The following RPS6KA5 variants were observed in gnomAD, a reference collection of about 807,000 sequenced individuals.
RPS6KA5 encodes ribosomal protein S6 kinase A5, also known as ribosomal protein S6 kinase alpha-5.
RPS6KA5 carries 27 observed loss-of-function variants against 85.5 expected under a neutral mutation model. The ratio of observed to expected loss-of-function variants is 0.32; its 90% CI spans 0.23 to 0.44. RPS6KA5 has a LOEUF of 0.44. RPS6KA5 is among the 20% of genes least tolerant of loss of function. The probability of loss-of-function intolerance (pLI) is 1.00; values close to 1 mark genes in which losing one functional copy is unlikely to be tolerated. For synonymous variants in RPS6KA5, 334 were observed against 348.2 expected (o/e 0.96, Z 0.46); for missense variants, 811 against 980.9 (o/e 0.83, Z 2.31).
At chr14:90,937,707 G>GA (rs2037343834) in intron 5 of RPS6KA5, among the ~76,000 whole-genome samples, 1 of 152,180 alleles carries the variant, frequency 6.6e-6, no homozygotes, top group Non-Finnish European at 1.5e-5. Context: ...GATGGAAGCA[G>GA]ATAAAGAGAG....
intron 3 of RPS6KA5, among the ~76,000 whole-genome samples, chr14:90,977,176 CAAG>C (rs2039604926): frequency 6.6e-6 from 1 of 152,170 alleles, no homozygotes; most frequent in Admixed American, 6.5e-5. Context: ...TGTAGGCACT[CAAG>C]AAATAGCTAA....
At chr14:91,026,468 C>A (rs150967856) in intron 1 of RPS6KA5, among the ~76,000 whole-genome samples, 32 of 152,244 alleles carry the variant, frequency 2.1e-4, no homozygotes, top group Non-Finnish European at 3.8e-4. Flanking sequence ...TGAGCTCAAG[C>A]AATCCTTCCT....
intron 2 of RPS6KA5, among the ~76,000 whole-genome samples, chr14:91,000,064 C>T (rs1001803412): frequency 1.3e-5 from 2 of 152,172 alleles, no homozygotes; most frequent in African/African-American, 4.8e-5. Flanking sequence ...TCCCAAAGTG[C>T]CTCCCAAAGT....
chr14:90,965,641 T>C (rs2039025955), intron 3 of RPS6KA5, among the ~76,000 whole-genome samples: 1 of 152,008 alleles, frequency 6.6e-6, no homozygotes, highest in Non-Finnish European at 1.5e-5. Context: ...CTGCTGAGAC[T>C]GACAGCATGG....
chr14:90,968,768 AT>A (rs1410137298), intron 3 of RPS6KA5, among the ~76,000 whole-genome samples: 1 of 152,192 alleles, frequency 6.6e-6, no homozygotes, highest in Non-Finnish European at 1.5e-5. Context: ...AACCCACTGA[AT>A]TTTGGGTTAG....
intron 14 of RPS6KA5, among the ~76,000 whole-genome samples, chr14:90,884,617 T>G (rs375057240): frequency 3.6e-4 from 55 of 152,330 alleles, no homozygotes; most frequent in African/African-American, 1.2e-3. Flanking sequence ...TCCAAAATAG[T>G]TACGTCAGAG....
intron 7 of RPS6KA5, among the ~76,000 whole-genome samples, chr14:90,913,090 T>C (rs574632553): frequency 6.6e-6 from 1 of 152,038 alleles, no homozygotes; most frequent in African/African-American, 2.4e-5. Context: ...TTTGTATTTT[T>C]AGTAGAGACG....
In RPS6KA5 at chr14:90,867,944, A is replaced by C. The variant is rs558338592; in HGVS notation, c.*4130T>G. 1 of 152,216 alleles carries C rather than the reference A, an allele frequency of 6.6e-6. No individual in the cohort carries two copies. The highest frequency in any genetic ancestry group is 1.5e-5 in the Non-Finnish European group (1 of 68,024). The allele number at this position is 152,216 out of a possible 1,614,324, so 9.4% of individuals were successfully genotyped here. A position where few individuals can be genotyped will look rare whatever the true frequency, so the allele number is the denominator to read the frequency against. ...TAACAGGGAGCTGGGCATACAAAGA[A>C]AAGGGCTCAGAAGAAATATCTTGAA... On this transcript the variant is annotated 3_prime_UTR_variant, in exon 17 of 17. Transcript: ENST00000614987.
chr14:90,903,802 A>T (rs1192823982), intron 8 of RPS6KA5, among the ~76,000 whole-genome samples: 5 of 152,184 alleles, frequency 3.3e-5, no homozygotes. Flanking sequence ...CAATTATTTT[A>T]TGTATCATTA....
At chr14:91,010,112 G>T (rs1322884498) in intron 1 of RPS6KA5, among the ~76,000 whole-genome samples, 5 of 151,604 alleles carry the variant, frequency 3.3e-5, no homozygotes, top group African/African-American at 9.7e-5. Context: ...CATAATGAAG[G>T]AAGTGAATTT....
At chr14:90,979,016 C>T (rs1313553206) in intron 2 of RPS6KA5, among the ~76,000 whole-genome samples, 1 of 152,206 alleles carries the variant, frequency 6.6e-6, no homozygotes, top group Non-Finnish European at 1.5e-5. Flanking sequence ...CATAAGCTGA[C>T]ATTATATGAA....
chr14:90,975,696 A>AGT (rs1413401970), intron 3 of RPS6KA5, among the ~76,000 whole-genome samples: 1 of 152,232 alleles, frequency 6.6e-6, no homozygotes, highest in Non-Finnish European at 1.5e-5. Flanking sequence ...ATAGGGACCA[A>AGT]GTGTATAGCA....
chr14:91,030,339 T>A (rs1566884910), intron 1 of RPS6KA5, among the ~76,000 whole-genome samples: 1 of 151,960 alleles, frequency 6.6e-6, no homozygotes, highest in Non-Finnish European at 1.5e-5. Context: ...AATATATAAG[T>A]CTACACACGC....
Position 90,920,318 on chromosome 14 carries a change from C to T in RPS6KA5, c.703-9G>A. On this transcript the variant is annotated splice_polypyrimidine_tract_variant and intron_variant, in intron 6 of 16. Transcript: ENST00000614987. ...CTCCACCAGTCAACTGCCTATAAAA[C>T]AACAATAATTTCATTTTATAGAATT... The T allele has an allele frequency of 6.6e-7, 1 of 1,508,964 alleles. No homozygotes were observed. The highest frequency in any genetic ancestry group is 9.2e-7 in the Non-Finnish European group (1 of 1,092,830). The allele number at this position is 1,508,964 out of a possible 1,614,324, so 93.5% of individuals were successfully genotyped here. A position where few individuals can be genotyped will look rare whatever the true frequency, so the allele number is the denominator to read the frequency against.
chr14:91,022,800 C>T (rs552252706), intron 1 of RPS6KA5, among the ~76,000 whole-genome samples: 95 of 152,116 alleles, frequency 6.2e-4, no homozygotes, highest in African/African-American at 2.1e-3. Context: ...GATTTGTGTA[C>T]TACTGTCCGG....
chr14:91,043,518 G>A (rs967172594), intron 1 of RPS6KA5, among the ~76,000 whole-genome samples: 3 of 152,166 alleles, frequency 2.0e-5, no homozygotes, highest in Non-Finnish European at 4.4e-5. Context: ...AAGCCGGTGA[G>A]CACACTAAGA....
chr14:90,926,034 T>G (rs1367021885), intron 5 of RPS6KA5, among the ~76,000 whole-genome samples: 2 of 150,294 alleles, frequency 1.3e-5, no homozygotes, highest in African/African-American at 4.9e-5. Flanking sequence ...AAAGGCAGAC[T>G]AAACGTATTA....
At position 90,875,293 on chromosome 14, in the gene RPS6KA5, A is replaced by G. The variant is rs1595097977; in HGVS notation, c.1904T>C (p.Val635Ala). ...CTTTTTAATTTTCTTCATGATTTCC[A>G]CCGCGCTGGTACACGTCAAACTTCG... Reference protein sequence around the residue: ...HDRSLTCTSAVEIMKKIKKGD... With the variant: ...HDRSLTCTSAAEIMKKIKKGD... Residue 635 changes from valine to alanine, a missense_variant, in exon 15 of 17, where the codon GTG (valine) becomes GCG (alanine). Around this residue, in one of 3 missense-constraint regions of RPS6KA5, gnomAD observed 650 missense variants for 793.4 expected, o/e 0.82. Transcript: ENST00000614987. 6.2e-7 allele frequency: 1 copy of G among 1,613,906 alleles called. No individual in the cohort carries two copies. The highest frequency in any genetic ancestry group is 1.1e-5 in the South Asian group (1 of 91,082).
At chr14:90,890,204 G>A (rs2034473300) in intron 14 of RPS6KA5, among the ~76,000 whole-genome samples, 1 of 152,090 alleles carries the variant, frequency 6.6e-6, no homozygotes, top group Non-Finnish European at 1.5e-5. Context: ...AATATAATAT[G>A]TGTCTTTAAA....
Sources: allele counts gnomAD v4.1 joint callset (sites outside exome capture counted in the v4.1 genomes callset), GRCh38; gene constraint gnomAD v4.1.1; regional missense constraint gnomAD v4.1.1; transcripts MANE v1.5; gene names NCBI Gene and HGNC (gene_info 2026-07-23, HGNC 2026-07-21).